MASP1: variants seen among roughly 807,000 people sequenced by gnomAD.
MASP1 encodes the protein MBL associated serine protease 1.
In MASP1, 59 loss-of-function variants were observed where a neutral mutation model predicts 77.1. The ratio of observed to expected loss-of-function variants is 0.77; its 90% CI spans 0.62 to 0.95. The LOEUF (loss-of-function observed/expected upper bound fraction) is 0.95. Among genes scored for constraint, MASP1 ranks in the 40% least tolerant of loss-of-function variants. The pLI is 0.00. For missense variants in MASP1, 885 were observed against 912.9 expected (o/e 0.97, Z 0.39); for synonymous variants, 362 against 354.5 (o/e 1.02, Z -0.24).
chr3:187,284,374 A>G lies in MASP1; in HGVS notation c.237+1451T>C, dbSNP rs531350048. Among the ~76,000 whole-genome samples, 34 of 152,298 alleles carry G rather than the reference A, an allele frequency of 2.2e-4. No homozygotes were observed. In the South Asian group the frequency reaches 7.1e-3, roughly 32 times the overall value. Reference sequence around the variant, plus strand: ...TGGTGGGGCCGGGGCTGCTACTGGCACCTAGTTAGGGTAGAAGCTAGGGAT... The same window carrying G: ...TGGTGGGGCCGGGGCTGCTACTGGCGCCTAGTTAGGGTAGAAGCTAGGGAT... On this transcript the variant is annotated intron_variant, in intron 2 of 10. Coordinates refer to ENST00000296280, the MANE Select transcript of MASP1 (RefSeq NM_139125.4).
At chr3:187,288,448 G>A (rs1718031259) in intron 1 of MASP1, among the ~76,000 whole-genome samples, 1 of 152,172 alleles carries the variant, frequency 6.6e-6, no homozygotes, top group South Asian at 2.1e-4. Context: ...CTCCAGCTTT[G>A]ACTTTATTTA....
At chr3:187,220,901 C>T in intron 15 of MASP1, 1 of 703,828 alleles carries the variant, frequency 1.4e-6, no homozygotes, top group Non-Finnish European at 2.6e-6. Context: ...TCCCTCCTCC[C>T]ACGGCCTTCC....
At chr3:187,270,565 G>C (rs1716438037) in intron 2 of MASP1, among the ~76,000 whole-genome samples, 2 of 152,098 alleles carry the variant, frequency 1.3e-5, no homozygotes, top group African/African-American at 2.4e-5. Flanking sequence ...ACTCAAAATA[G>C]AGCCCAATCT....
intron 2 of MASP1, among the ~76,000 whole-genome samples, chr3:187,283,333 C>T (rs1375795405): frequency 6.6e-6 from 1 of 152,154 alleles, no homozygotes; most frequent in East Asian, 1.9e-4. Flanking sequence ...ATCATTTTTT[C>T]CCATTAACAA....
At chr3:187,257,605 A>C (rs1005862983) in intron 4 of MASP1, among the ~76,000 whole-genome samples, 2 of 152,028 alleles carry the variant, frequency 1.3e-5, no homozygotes, top group African/African-American at 4.8e-5. Context: ...GGCTGATCTC[A>C]AATTCCTAGA....
chr3:187,231,212 T>A (rs542887488), downstream of MASP1, among the ~76,000 whole-genome samples: 11 of 152,362 alleles, frequency 7.2e-5, no homozygotes, highest in South Asian at 2.3e-3. Flanking sequence ...TTTTTCACTC[T>A]GGATCTCTTA....
chr3:187,252,075 G>T (rs941990913), intron 6 of MASP1, among the ~76,000 whole-genome samples: 2 of 152,178 alleles, frequency 1.3e-5, no homozygotes, highest in African/African-American at 4.8e-5. Context: ...CGCAGTAGAT[G>T]CCAAACAGAC....
intron 3 of MASP1, among the ~76,000 whole-genome samples, chr3:187,261,744 C>T (rs1380751752): frequency 6.6e-6 from 1 of 152,158 alleles, no homozygotes; most frequent in African/African-American, 2.4e-5. Context: ...GAATTGAAAA[C>T]ATATGTTTGC....
intron 2 of MASP1, among the ~76,000 whole-genome samples, chr3:187,264,650 C>T (rs1715869891): frequency 6.6e-6 from 1 of 152,056 alleles, no homozygotes; most frequent in Admixed American, 6.5e-5. Context: ...TTAAACATTG[C>T]CGGACTATAA....
At chr3:187,229,511 A>G (rs1435089120), downstream of MASP1, among the ~76,000 whole-genome samples, 2 of 152,098 alleles carry the variant, frequency 1.3e-5, no homozygotes, top group Non-Finnish European at 2.9e-5. Flanking sequence ...CCCTGAACTC[A>G]CAGCCCTGGC....
chr3:187,282,649 T>G (rs181726520), intron 2 of MASP1, among the ~76,000 whole-genome samples: 418 of 152,186 alleles, frequency 2.7e-3, no homozygotes, highest in African/African-American at 9.7e-3. Flanking sequence ...TGGGTGTGTG[T>G]AGGCAGGGGC....
chr3:187,278,771 A>C (rs892779471), intron 2 of MASP1, among the ~76,000 whole-genome samples: 5 of 152,086 alleles, frequency 3.3e-5, no homozygotes, highest in Non-Finnish European at 5.9e-5. Context: ...GCTCTTCCAT[A>C]GCTGTCCAGG....
intron 8 of MASP1, chr3:187,246,263 C>A (rs1476332638): frequency 2.3e-6 from 1 of 434,784 alleles, no homozygotes; most frequent in Non-Finnish European, 3.1e-6. Flanking sequence ...ATGTTGTCTG[C>A]ATCAAAGCTA....
At chr3:187,255,833 CT>C (rs373806607) in intron 5 of MASP1, among the ~76,000 whole-genome samples, 4,411 of 147,254 alleles carry the variant, frequency 0.03, 220 homozygotes, top group African/African-American at 0.099. Context: ...TTCTAGCTTC[CT>C]TTTTTTTTTT....
intron 3 of MASP1, among the ~76,000 whole-genome samples, chr3:187,261,497 G>A (rs1364318291): frequency 6.6e-6 from 1 of 152,314 alleles, no homozygotes; most frequent in African/African-American, 2.4e-5. Context: ...GTCATTAAGG[G>A]AATGCAGTTT....
At chr3:187,229,717 G>C (rs368833565), downstream of MASP1, 53 of 1,610,726 alleles carry the variant, frequency 3.3e-5, no homozygotes, top group South Asian at 3.5e-4. Context: ...TCCAAGGAGG[G>C]GGTTCAGTTC....
chr3:187,264,355 C>T (rs1282583676), intron 2 of MASP1, among the ~76,000 whole-genome samples: 2 of 152,164 alleles, frequency 1.3e-5, no homozygotes, highest in African/African-American at 4.8e-5. Context: ...TATCTGCACA[C>T]AGCTGAAATG....
intron 2 of MASP1, among the ~76,000 whole-genome samples, chr3:187,270,420 C>T (rs1716424933): frequency 6.6e-6 from 1 of 152,142 alleles, no homozygotes; most frequent in South Asian, 2.1e-4. Context: ...ATCATCTTGG[C>T]CTGTCACCAG....
chr3:187,256,272 T>C (rs957903681), intron 5 of MASP1, among the ~76,000 whole-genome samples: 12 of 152,138 alleles, frequency 7.9e-5, no homozygotes, highest in African/African-American at 1.9e-4. Flanking sequence ...TTCTTTGCCT[T>C]GGTAGTAGGT....
Sources: gnomAD v4.1 joint callset for allele counts (sites outside exome capture counted in the v4.1 genomes callset) on GRCh38, gnomAD v4.1.1 for gene constraint, MANE v1.5 for transcripts, NCBI Gene and HGNC (gene_info 2026-07-23, HGNC 2026-07-21) for gene names.